Variants in KMT2B observed in about 807,000 individuals in gnomAD.
KMT2B encodes histone-lysine N-methyltransferase 2B.
A neutral mutation model predicts 255.3 loss-of-function variants in KMT2B; 22 were observed. The ratio of observed to expected loss-of-function variants is 0.09; its 90% CI spans 0.06 to 0.12. The LOEUF (loss-of-function observed/expected upper bound fraction) is 0.12, where lower values mean the gene tolerates loss of function less well. Ranked by LOEUF, KMT2B falls within the 10% of genes least tolerant of loss-of-function variation. The probability of loss-of-function intolerance (pLI) is 1.00; values close to 1 mark genes in which losing one functional copy is unlikely to be tolerated. For synonymous variants in KMT2B, 1,730 were observed against 1,498.1 expected (o/e 1.15, Z -3.57); for missense variants, 3,149 against 3,737.0 (o/e 0.84, Z 4.10).
chr19:35,724,108 A>C, intron 8 of KMT2B, 101 bp downstream of exon 8: 1 of 1,202,700 alleles, frequency 8.3e-7, no homozygotes, highest in Non-Finnish European at 1.1e-6. Flanking sequence ...TGTCAGTCTG[A>C]TAGAGAAGGT....
Position 35,737,036 on chromosome 19 carries a change from G to A in KMT2B, c.7372+50G>A, listed in dbSNP as rs1188393650. On this transcript the variant is annotated intron_variant, in intron 32 of 36. Coordinates refer to ENST00000420124, the MANE Select transcript of KMT2B (RefSeq NM_014727.3). This position sits in a 1 kb window ranked among gnomAD's most constrained non-coding sequence, Gnocchi z 5.3. ...CAGGGAGCTGGATGTCTCCCCGAGG[G>A]CACCATGGGCCCTCCACATGACAGG... 1.4e-5 allele frequency: 22 copies of A among 1,610,080 alleles called. No homozygotes were observed. The highest frequency in any genetic ancestry group is 1.8e-5 in the Non-Finnish European group (21 of 1,177,964).
rs1224182698 is a variant in KMT2B, at chr19:35,732,119, C to A, written c.5649C>A (p.Gly1883=). ...SRRPLGGVSF[G]PLPSPGSPSS... ...GGCCCTTGGGGGGTGTCTCCTTTGG[C>A]CCCCTGCCCTCCCCTGGTGAGCACC... The change falls in exon 27 of 37, where the codon GGC becomes GGA. Residue 1883 remains glycine (G), a synonymous_variant. Coordinates refer to ENST00000420124, the MANE Select transcript of KMT2B (RefSeq NM_014727.3). 1.3e-6 allele frequency: 2 copies of A among 1,596,494 alleles called. No individual in the cohort carries two copies. Among genetic ancestry groups the A allele is most frequent in the African/African-American group, 1.3e-5 (1 of 74,298 alleles).
chr19:35,726,710 A>G (rs1205772562), intron 14 of KMT2B, among the ~76,000 whole-genome samples: 1 of 152,180 alleles, frequency 6.6e-6, no homozygotes, highest in Non-Finnish European at 1.5e-5. Flanking sequence ...AAGGCCGAGC[A>G]CAGTGGCTCA....
At position 35,730,434 on chromosome 19, in the gene KMT2B, T is replaced by C; in HGVS notation, c.5169T>C (p.Leu1723=). The change falls in exon 24 of 37, where the codon CTT becomes CTC. Residue 1723 remains leucine (L), a synonymous_variant. Coordinates refer to ENST00000420124, the MANE Select transcript of KMT2B (RefSeq NM_014727.3). Reference sequence around the variant, plus strand: ...TCAAGCGGAAGTTCTTGACGGGGCTTGAACCCGATGCCATCAACGTGCTCA... The same window carrying C: ...TCAAGCGGAAGTTCTTGACGGGGCTCGAACCCGATGCCATCAACGTGCTCA... The part of the protein sequence containing the change: ...INFKRKFLTG[L]EPDAINVLIG... 1 of 1,613,866 alleles carries C rather than the reference T, an allele frequency of 6.2e-7. No homozygotes were observed. Among genetic ancestry groups the C allele is most frequent in the South Asian group, 1.1e-5 (1 of 91,082 alleles).
At position 35,719,768 on chromosome 19, in the gene KMT2B, A is replaced by C; in HGVS notation, c.437-16A>C. ...GGCTGGCTTGATCCATCTCCCCACA[A>C]CTATTCTCCTTTTAGGTCGAGCGCC... On this transcript the variant is annotated splice_polypyrimidine_tract_variant and intron_variant, in intron 2 of 36. Coordinates refer to ENST00000420124, the MANE Select transcript of KMT2B (RefSeq NM_014727.3). 6.4e-7 allele frequency: 1 copy of C among 1,568,074 alleles called. No homozygotes were observed. The highest frequency in any genetic ancestry group is 8.6e-7 in the Non-Finnish European group (1 of 1,158,232).
At position 35,725,901 on chromosome 19, in the gene KMT2B, A is replaced by G; in HGVS notation, c.3885+83A>G. 4.4e-6 allele frequency: 5 copies of G among 1,147,648 alleles called. No individual in the cohort carries two copies. Among genetic ancestry groups the G allele is most frequent in the Non-Finnish European group, 6.4e-6 (5 of 781,854 alleles). The allele number at this position is 1,147,648 out of a possible 1,614,324, so 71.1% of individuals were successfully genotyped here. A position where few individuals can be genotyped will look rare whatever the true frequency, so the allele number is the denominator to read the frequency against. On this transcript the variant is annotated intron_variant, in intron 13 of 36. Coordinates refer to ENST00000420124, the MANE Select transcript of KMT2B (RefSeq NM_014727.3). The surrounding 1 kb of genome is among the most constrained non-coding windows in gnomAD (Gnocchi z 4.1). Reference sequence around the variant, plus strand: ...AAACTTGCTCTAGGCTGGGGCTCTCAGGAGGAGCAGAGGTTGGGGATCCTC... The same window carrying G: ...AAACTTGCTCTAGGCTGGGGCTCTCGGGAGGAGCAGAGGTTGGGGATCCTC...
rs779619459 is a variant in KMT2B, at chr19:35,718,418, G to A, written c.363+37G>A. The A allele has an allele frequency of 3.2e-6, 4 of 1,238,876 alleles. No individual in the cohort carries two copies. The African/African-American group carries it at 6.2e-5, about 19-fold the overall frequency. 76.7% of individuals were successfully genotyped at this position (1,238,876 alleles called of 1,614,324 possible). A position where few individuals can be genotyped will look rare whatever the true frequency, so the allele number is the denominator to read the frequency against. On this transcript the variant is annotated intron_variant, in intron 1 of 36. Transcript: ENST00000420124. This position sits in a 1 kb window ranked among gnomAD's most constrained non-coding sequence, Gnocchi z 5.0. ...GGAGGCGTCCCCGGCGCCGGGTGGGGCGGAGGCCGGGGCTTCCAGGGGTCT... is the reference window on the plus strand; with the variant it reads ...GGAGGCGTCCCCGGCGCCGGGTGGGACGGAGGCCGGGGCTTCCAGGGGTCT...
Position 35,737,552 on chromosome 19 carries a change from A to G in KMT2B, c.7551-84A>G, listed in dbSNP as rs1969967053. 1.1e-6 allele frequency: 1 copy of G among 931,974 alleles called. No homozygotes were observed. Among genetic ancestry groups the G allele is most frequent in the Non-Finnish European group, 1.6e-6 (1 of 620,400 alleles). 57.7% of individuals were successfully genotyped at this position (931,974 alleles called of 1,614,324 possible). On this transcript the variant is annotated intron_variant, in intron 33 of 36. Transcript: ENST00000420124. This position sits in a 1 kb window ranked among gnomAD's most constrained non-coding sequence, Gnocchi z 5.3. ...TTTAAAAAAGTTATTTCTAGAGCTG[A>G]CATCAGAAAAATGAACCCCACCCAT...
At chr19:35,728,192 G>T in intron 19 of KMT2B, 21 bp downstream of exon 19, 1 of 1,570,114 alleles carries the variant, frequency 6.4e-7, no homozygotes. Context: ...CTGGGTAGCA[G>T]AAGGGAAGCC....
At chr19:35,724,943 C>T (rs777116848) in intron 9 of KMT2B, 46 bp from the exon 10 acceptor site, 1 of 1,396,466 alleles carries the variant, frequency 7.2e-7, no homozygotes, top group South Asian at 1.2e-5. Flanking sequence ...GAGTCTGCAT[C>T]ACGGCCAGGC....
Position 35,719,845 on chromosome 19 carries a change from A to G in KMT2B, c.498A>G (p.Leu166=), listed in dbSNP as rs754156354. 1.2e-6 allele frequency: 2 copies of G among 1,612,472 alleles called. No homozygotes were observed. The highest frequency in any genetic ancestry group is 1.3e-5 in the African/African-American group (1 of 74,886). The change falls in exon 3 of 37, where the codon CTA becomes CTG. Residue 166 remains leucine, a synonymous_variant. Coordinates refer to ENST00000420124, the MANE Select transcript of KMT2B (RefSeq NM_014727.3). ...HKTTPLPPPR[L]ADVAPTPPKT... is the part of the protein sequence containing the mutation. ...CGACCCCCCTTCCTCCTCCTCGCCT[A>G]GCAGATGTGGCTCCTACCCCCCCAA...
In KMT2B at chr19:35,730,302, C is replaced by A. The variant is rs776185565; in HGVS notation, c.5077-40C>A. On this transcript the variant is annotated intron_variant, in intron 23 of 36. Coordinates refer to ENST00000420124, the MANE Select transcript of KMT2B (RefSeq NM_014727.3). ...AGACTTCCCTGGCATCCACCTCCCC[C>A]ACCAATGCAGCCACCTCACTTTGCC... The A allele has an allele frequency of 5.0e-6, 8 of 1,607,434 alleles. No homozygotes were observed. The Admixed American group carries it at 6.7e-5, about 13-fold the overall frequency.
rs1329017620 is a variant in KMT2B, at chr19:35,733,354, G to C, written c.6805G>C (p.Ala2269Pro). Residue 2269 changes from alanine (A) to proline (P), a missense_variant, in exon 28 of 37, where the codon GCC becomes CCC. Physicochemically the swap from Ala to Pro is conservative, Grantham distance 27. This residue lies in a region of KMT2B where 897 missense variants were observed against 825.3 expected (regional missense o/e 1.09). Transcript: ENST00000420124. This position sits in a 1 kb window ranked among gnomAD's most constrained non-coding sequence, Gnocchi z 4.3. ...GACGCTGGTGCTGAGCAGTGGGCCA[G>C]CCAGCCCGCCCCGCCAGGCCATCCG... ...PLTLVLSSGPASPPRQAIRVK... is the reference protein window; with the variant it reads ...PLTLVLSSGPPSPPRQAIRVK... 1.5e-6 allele frequency: 2 copies of C among 1,372,480 alleles called. No individual in the cohort carries two copies. Among genetic ancestry groups the C allele is most frequent in the African/African-American group, 1.5e-5 (1 of 66,728 alleles). 85.0% of individuals were successfully genotyped at this position (1,372,480 alleles called of 1,614,324 possible).
rs1969138609 is a variant in KMT2B, at chr19:35,720,440, G to C, written c.1093G>C (p.Glu365Gln). 6.4e-7 allele frequency: 1 copy of C among 1,553,088 alleles called. No homozygotes were observed. The highest frequency in any genetic ancestry group is 1.4e-5 in the African/African-American group (1 of 72,822). Residue 365 changes from glutamate (E) to glutamine (Q), a missense_variant, in exon 3 of 37, where the codon GAA becomes CAA. This residue lies in a region of KMT2B where 1,188 missense variants were observed against 1,106.4 expected (regional missense o/e 1.07). Transcript: ENST00000420124. The part of the protein sequence containing the change: ...KKQEQKLDDE[E>Q]EEKKEEEEKD... Reference sequence around the variant, plus strand: ...GCAGGAACAGAAGCTGGATGACGAGGAAGAAGAGAAGAAAGAAGAAGAAGA... The same window carrying C: ...GCAGGAACAGAAGCTGGATGACGAGCAAGAAGAGAAGAAAGAAGAAGAAGA...
At chr19:35,719,729 T>A (rs1341548188) in intron 2 of KMT2B, 55 bp from the exon 3 acceptor site, 1 of 1,535,330 alleles carries the variant, frequency 6.5e-7, no homozygotes, top group African/African-American at 1.4e-5. Context: ...TGGAGCGCCT[T>A]CCTCTGTGTG....
intron 3 of KMT2B, 81 bp downstream of exon 3, chr19:35,721,885 T>C: frequency 6.9e-7 from 1 of 1,444,756 alleles, no homozygotes; most frequent in African/African-American, 1.4e-5. Flanking sequence ...TCCGCCTCCT[T>C]GGACACTTTC....
chr19:35,735,610 A>T (rs1969884995), intron 30 of KMT2B: 1 of 152,106 alleles, frequency 6.6e-6, no homozygotes, highest in Non-Finnish European at 1.5e-5. Flanking sequence ...TCCAGCCTAG[A>T]CCCTGTCCCT....
At position 35,732,531 on chromosome 19, in the gene KMT2B, G is replaced by C; in HGVS notation, c.5982G>C (p.Ala1994=). Residue 1994 remains alanine (A), a synonymous_variant, in exon 28 of 37, where the codon GCG becomes GCC. Coordinates refer to ENST00000420124, the MANE Select transcript of KMT2B (RefSeq NM_014727.3). ...TGAGTGCTGCTGACCTGGACTTCGC[G>C]GCCAGCCTGCTGGGGACTGAGCCCT... ...SGLSAADLDF[A]ASLLGTEPFQ... The C allele has an allele frequency of 3.7e-6, 6 of 1,613,922 alleles. No homozygotes were observed. Among genetic ancestry groups the C allele is most frequent in the Non-Finnish European group, 5.1e-6 (6 of 1,179,870 alleles).
In KMT2B at chr19:35,732,413, C is replaced by T; in HGVS notation, c.5864C>T (p.Ser1955Leu). The T allele has an allele frequency of 6.2e-7, 1 of 1,613,598 alleles. No homozygotes were observed. Among genetic ancestry groups the T allele is most frequent in the Non-Finnish European group, 8.5e-7 (1 of 1,179,676 alleles). The part of the protein sequence containing the change: ...TSVVTALTPT[S>L]GELAPPGPAP... ...GTCGTCACAGCCCTCACACCTACCT[C>T]AGGGGAGCTGGCTCCCCCTGGCCCG... The change falls in exon 28 of 37, where the codon TCA (serine) becomes TTA (leucine). Residue 1955 changes from serine (S) to leucine (L), a missense_variant. This residue lies in a region of KMT2B where 897 missense variants were observed against 825.3 expected (regional missense o/e 1.09). Coordinates refer to ENST00000420124, the MANE Select transcript of KMT2B (RefSeq NM_014727.3).
Sources: allele counts gnomAD v4.1 joint callset (sites outside exome capture counted in the v4.1 genomes callset), GRCh38; gene constraint gnomAD v4.1.1; regional missense constraint gnomAD v4.1.1; non-coding constraint Gnocchi (gnomAD v3.1); transcripts MANE v1.5; gene names NCBI Gene and HGNC (gene_info 2026-07-23, HGNC 2026-07-21).